Variants in IRAG1 observed in about 807,000 individuals in gnomAD.
IRAG1 encodes inositol 1,4,5-triphosphate receptor associated 1, also known as IP3R-associated cGMP kinase substrate.
Under a neutral mutation model 106.2 loss-of-function variants are expected in IRAG1, and 62 were observed. That is an observed-to-expected ratio of 0.58 (90% CI 0.48 to 0.72). The LOEUF (loss-of-function observed/expected upper bound fraction) is 0.72. IRAG1 is among the 30% of genes least tolerant of loss of function. The pLI is 0.00. For synonymous variants in IRAG1, 462 were observed against 443.9 expected (o/e 1.04, Z -0.51); for missense variants, 1,064 against 1,140.7 (o/e 0.93, Z 0.97).
intron 11 of IRAG1, among the ~76,000 whole-genome samples, chr11:10,607,616 G>A (rs1265528382): frequency 6.6e-6 from 1 of 151,882 alleles, no homozygotes; most frequent in African/African-American, 2.4e-5. Flanking sequence ...GGGGCGGGGA[G>A]GCCTGGGAGG....
In IRAG1 at chr11:10,647,682, G is replaced by A. The variant is rs1858076717; in HGVS notation, c.225+4343C>T. Among the ~76,000 whole-genome samples, 1 of 152,128 alleles carries A rather than the reference G, an allele frequency of 6.6e-6. No homozygotes were observed. On this transcript the variant is annotated intron_variant, in intron 2 of 20. Transcript: ENST00000423302. This position sits in a 1 kb window ranked among gnomAD's most constrained non-coding sequence, Gnocchi z 4.3. ...CACTTCAGAGGATGCTGCACTGTCT[G>A]GGTGAGTCAGCTTCCTACTGTGGCT...
chr11:10,591,536 C>T lies in IRAG1; in HGVS notation c.2240+12G>A, dbSNP rs775620326. The T allele has an allele frequency of 6.3e-6, 10 of 1,584,536 alleles. No homozygotes were observed. The highest frequency in any genetic ancestry group is 5.8e-5 in the South Asian group (5 of 86,306). On this transcript the variant is annotated intron_variant, in intron 18 of 20. Coordinates refer to ENST00000423302, the MANE Select transcript of IRAG1 (RefSeq NM_130385.4). ...AGATCCCTGAAGCCAAGAGGAAAAT[C>T]GACAAACTTACTTTTCCAAAAGTGC...
chr11:10,669,031 AG>A (rs1417289286), intron 1 of IRAG1, among the ~76,000 whole-genome samples: 1 of 152,188 alleles, frequency 6.6e-6, no homozygotes, highest in Non-Finnish European at 1.5e-5. Flanking sequence ...AGTCCTTCAA[AG>A]GTTAGTATAT....
rs1042701106 is a variant in IRAG1 at position 10,632,024 on chromosome 11, A to G, written c.367T>C (p.Leu123=). ...GTCAGGGAGGCAGTGGACACCTTCA[A>G]GTGTCGGTGAGAAAGCCTCTTGTGG... ...SPHKRLSHRH[L]KVSTASLTSV... Residue 123 remains leucine, a synonymous_variant, in exon 4 of 21, where the codon TTG becomes CTG. Transcript: ENST00000423302. 3.1e-6 allele frequency: 5 copies of G among 1,613,896 alleles called. No homozygotes were observed. Among genetic ancestry groups the G allele is most frequent in the Non-Finnish European group, 4.2e-6 (5 of 1,179,856 alleles).
intron 4 of IRAG1, among the ~76,000 whole-genome samples, chr11:10,630,850 T>A (rs1856639864): frequency 6.6e-6 from 1 of 152,194 alleles, no homozygotes; most frequent in Non-Finnish European, 1.5e-5. Flanking sequence ...TGATTCCCCA[T>A]TAGCTAACCC....
chr11:10,624,535 G>A (rs1003561072), intron 9 of IRAG1, among the ~76,000 whole-genome samples: 10 of 152,180 alleles, frequency 6.6e-5, no homozygotes, highest in African/African-American at 2.2e-4. Context: ...GGAGGCACCT[G>A]GCAGAGCTCC....
chr11:10,636,466 G>A lies in IRAG1; in HGVS notation c.226-2395C>T, dbSNP rs61890396. Among the ~76,000 whole-genome samples, 988 of 152,290 alleles carry A rather than the reference G, an allele frequency of 6.5e-3. 8 individuals are homozygous for A. The highest frequency in any genetic ancestry group is 0.014 in the Middle Eastern group (4 of 294). On this transcript the variant is annotated intron_variant, in intron 2 of 20. Coordinates refer to ENST00000423302, the MANE Select transcript of IRAG1 (RefSeq NM_130385.4). ...TGCTGGGATTAAAGGTGTGAGCCAC[G>A]ATGCCAGGCCATGATTGATATTCTA... is the stretch of plus-strand genomic sequence containing the variant.
Position 10,693,584 on chromosome 11 carries a change from T to G in IRAG1, c.19A>C (p.Ser7Arg). Residue 7 changes from serine (S) to arginine (R), a missense_variant, in exon 1 of 21, where the codon AGT becomes CGT. Coordinates refer to ENST00000423302, the MANE Select transcript of IRAG1 (RefSeq NM_130385.4). ...CCTCCTCTGGCCAGCCTCTCTTCAC[T>G]CTGGGGAGCTTTTACCATTTAAGGT... MVKAPQSEERLARGGKE... is the reference protein window; with the variant it reads MVKAPQREERLARGGKE... 1 of 1,535,310 alleles carries G rather than the reference T, an allele frequency of 6.5e-7. No homozygotes were observed. The highest frequency in any genetic ancestry group is 8.7e-7 in the Non-Finnish European group (1 of 1,146,882).
intron 20 of IRAG1, among the ~76,000 whole-genome samples, chr11:10,576,864 T>G (rs1850866982): frequency 6.6e-6 from 1 of 152,226 alleles, no homozygotes; most frequent in South Asian, 2.1e-4. Flanking sequence ...ATCATTCTAC[T>G]TAATTGTTTG....
At chr11:10,689,879 GTTTT>G (rs1335397338) in intron 1 of IRAG1, among the ~76,000 whole-genome samples, 2 of 152,092 alleles carry the variant, frequency 1.3e-5, no homozygotes, top group Non-Finnish European at 2.9e-5. Flanking sequence ...ATTCTAGAGG[GTTTT>G]TTATTTCTTT....
chr11:10,642,643 C>T (rs1293136356), intron 2 of IRAG1, among the ~76,000 whole-genome samples: 3 of 152,260 alleles, frequency 2.0e-5, no homozygotes, highest in Non-Finnish European at 2.9e-5. Flanking sequence ...ACTTCTCTTT[C>T]ATGGTCTAAA....
chr11:10,617,106 T>C, intron 10 of IRAG1: 2 of 985,374 alleles, frequency 2.0e-6, no homozygotes, highest in South Asian at 9.4e-5. Flanking sequence ...GACTGGGGGT[T>C]TTGGAAGGAC....
intron 18 of IRAG1, among the ~76,000 whole-genome samples, chr11:10,583,556 G>T (rs1006132757): frequency 1.3e-5 from 2 of 152,168 alleles, no homozygotes; most frequent in African/African-American, 4.8e-5. Flanking sequence ...GTAAAGAAGG[G>T]GAGGTTGGAA....
intron 11 of IRAG1, among the ~76,000 whole-genome samples, chr11:10,608,247 C>T (rs531761168): frequency 6.6e-6 from 1 of 152,252 alleles, no homozygotes; most frequent in South Asian, 2.1e-4. Context: ...GCCTCAGCCA[C>T]CAGAGTAGCT....
At chr11:10,634,417 A>T (rs966196681) in intron 2 of IRAG1, among the ~76,000 whole-genome samples, 5 of 152,200 alleles carry the variant, frequency 3.3e-5, no homozygotes, top group African/African-American at 1.2e-4. Flanking sequence ...TGTGTGGTGG[A>T]CAATACTTAG....
At chr11:10,671,776 A>G (rs1860248753) in intron 1 of IRAG1, among the ~76,000 whole-genome samples, 2 of 152,158 alleles carry the variant, frequency 1.3e-5, no homozygotes, top group Non-Finnish European at 2.9e-5. Flanking sequence ...ACTTAACAAA[A>G]TAAATGTAAA....
chr11:10,674,758 C>T (rs991193387), intron 1 of IRAG1, among the ~76,000 whole-genome samples: 5 of 152,318 alleles, frequency 3.3e-5, no homozygotes, highest in South Asian at 2.1e-4. Flanking sequence ...GCTTCCTGCA[C>T]GGTGTCGGCT....
intron 10 of IRAG1, among the ~76,000 whole-genome samples, chr11:10,613,277 AAC>A (rs1378611813): frequency 3.2e-4 from 46 of 144,824 alleles, no homozygotes; most frequent in African/African-American, 1.0e-3. Flanking sequence ...AAAAAAAAAA[AAC>A]CCAGACATCT....
chr11:10,609,629 G>A (rs1292919670), intron 11 of IRAG1, 99 bp downstream of exon 11: 2 of 1,394,440 alleles, frequency 1.4e-6, no homozygotes, highest in South Asian at 1.4e-5. Flanking sequence ...GCCCTTCTGG[G>A]TTCAAGAATT....
Sources: allele counts gnomAD v4.1 joint callset (sites outside exome capture counted in the v4.1 genomes callset), GRCh38; gene constraint gnomAD v4.1.1; non-coding constraint Gnocchi (gnomAD v3.1); transcripts MANE v1.5; gene names NCBI Gene and HGNC (gene_info 2026-07-23, HGNC 2026-07-21).